LYPD6B: variants seen among roughly 807,000 people sequenced by gnomAD.
LYPD6B encodes LY6/PLAUR domain containing 6B.
Under a neutral mutation model 22.8 loss-of-function variants are expected in LYPD6B, and 17 were observed. That is an observed-to-expected ratio of 0.75 (90% CI 0.51 to 1.12). The LOEUF (loss-of-function observed/expected upper bound fraction) is 1.12, where lower values mean the gene tolerates loss of function less well. Among genes scored for constraint, LYPD6B ranks in the 50% most tolerant of loss-of-function variants. The pLI, the probability that LYPD6B is intolerant of heterozygous loss-of-function variation, is 0.00. For synonymous variants in LYPD6B, 106 were observed against 91.6 expected (o/e 1.16, Z -0.90); for missense variants, 221 against 258.3 (o/e 0.86, Z 0.99).
chr2:149,141,336 G>T (rs1426361452), intron 2 of LYPD6B, among the ~76,000 whole-genome samples: 2 of 152,160 alleles, frequency 1.3e-5, no homozygotes, highest in Non-Finnish European at 2.9e-5. Context: ...GTACAGGGGG[G>T]AGAGAAATCA....
intron 3 of LYPD6B, among the ~76,000 whole-genome samples, chr2:149,186,282 C>T (rs1274135642): frequency 6.6e-6 from 1 of 152,192 alleles, no homozygotes; most frequent in Non-Finnish European, 1.5e-5. Context: ...ACAAAACAGC[C>T]TTATTGCTAA....
chr2:149,135,371 A>G (rs114189960), intron 2 of LYPD6B, among the ~76,000 whole-genome samples: 1,741 of 152,104 alleles, frequency 0.011, 30 homozygotes, highest in African/African-American at 0.04. Flanking sequence ...TTAAAAGGAT[A>G]TTGTTTAATG....
chr2:149,060,083 G>A (rs901743127), intron 1 of LYPD6B, among the ~76,000 whole-genome samples: 1 of 152,166 alleles, frequency 6.6e-6, no homozygotes, highest in Non-Finnish European at 1.5e-5. Context: ...GAGCTATGCA[G>A]GGCCTTGACT....
chr2:149,162,469 G>A (rs1376112914), intron 3 of LYPD6B, among the ~76,000 whole-genome samples: 1 of 152,156 alleles, frequency 6.6e-6, no homozygotes, highest in Non-Finnish European at 1.5e-5. Flanking sequence ...CCCATGTGGA[G>A]TATTTACGGC....
intron 1 of LYPD6B, among the ~76,000 whole-genome samples, chr2:149,071,991 G>C (rs1684625507): frequency 6.6e-6 from 1 of 152,076 alleles, no homozygotes; most frequent in South Asian, 2.1e-4. Flanking sequence ...GACTACAGTG[G>C]CGCAATCTCA....
chr2:149,195,279 G>C (rs1373392916), intron 3 of LYPD6B, among the ~76,000 whole-genome samples: 2 of 152,172 alleles, frequency 1.3e-5, no homozygotes, highest in East Asian at 3.9e-4. Flanking sequence ...GCTTTCTTCA[G>C]GCTAGAGACC....
intron 6 of LYPD6B, 113 bp from the exon 7 acceptor site, chr2:149,214,433 C>G: frequency 8.9e-7 from 1 of 1,128,936 alleles, no homozygotes; most frequent in Non-Finnish European, 1.3e-6. Flanking sequence ...ATAACCAACT[C>G]CAATTGTCTG....
At chr2:149,058,795 T>G (rs1245181839) in intron 1 of LYPD6B, among the ~76,000 whole-genome samples, 1 of 152,128 alleles carries the variant, frequency 6.6e-6, no homozygotes, top group African/African-American at 2.4e-5. Context: ...AATTTTTGTA[T>G]TTTTAGTAGA....
intron 1 of LYPD6B, among the ~76,000 whole-genome samples, chr2:149,100,205 T>C (rs1156788545): frequency 1.3e-5 from 2 of 152,000 alleles, no homozygotes; most frequent in Admixed American, 1.3e-4. Flanking sequence ...TGTCTTTTGG[T>C]CCCAGGTGTA....
chr2:149,196,492 G>A (rs1174584761), intron 3 of LYPD6B, among the ~76,000 whole-genome samples: 1 of 152,166 alleles, frequency 6.6e-6, no homozygotes, highest in African/African-American at 2.4e-5. Flanking sequence ...ATAAACAATG[G>A]TCAGCGACAT....
intron 3 of LYPD6B, among the ~76,000 whole-genome samples, chr2:149,195,146 A>G (rs1212613297): frequency 6.6e-6 from 1 of 152,236 alleles, no homozygotes; most frequent in African/African-American, 2.4e-5. Flanking sequence ...CAATATCTGC[A>G]AGCGTATGAG....
At chr2:149,130,081 G>A (rs1335653079) in intron 1 of LYPD6B, among the ~76,000 whole-genome samples, 4 of 152,118 alleles carry the variant, frequency 2.6e-5, no homozygotes, top group Admixed American at 2.0e-4. Flanking sequence ...TGACCAGAAC[G>A]CTGAACGGCA....
At chr2:149,188,104 G>T (rs138815176) in intron 3 of LYPD6B, among the ~76,000 whole-genome samples, 1 of 152,190 alleles carries the variant, frequency 6.6e-6, no homozygotes, top group Non-Finnish European at 1.5e-5. Context: ...TCTTTTCCTG[G>T]GTACAGCATT....
intron 1 of LYPD6B, among the ~76,000 whole-genome samples, chr2:149,114,273 T>G (rs184192050): frequency 2.6e-5 from 4 of 152,336 alleles, no homozygotes; most frequent in Admixed American, 2.0e-4. Context: ...AAGTAATGCT[T>G]TTATCTCAAT....
chr2:149,161,913 TA>T (rs1171418169), intron 3 of LYPD6B, among the ~76,000 whole-genome samples: 4 of 152,286 alleles, frequency 2.6e-5, no homozygotes, highest in Admixed American at 2.6e-4. Flanking sequence ...TTTATGACCC[TA>T]ATAAGGCCCA....
chr2:149,130,800 AC>A, intron 1 of LYPD6B, 82 bp from the exon 2 acceptor site: 2 of 670,514 alleles, frequency 3.0e-6, no homozygotes, highest in Non-Finnish European at 5.3e-6. Flanking sequence ...CCAGCCTAAA[AC>A]CCCCTACTTA....
At chr2:149,102,293 G>A (rs1384270666) in intron 1 of LYPD6B, among the ~76,000 whole-genome samples, 1 of 152,178 alleles carries the variant, frequency 6.6e-6, no homozygotes, top group Non-Finnish European at 1.5e-5. Context: ...GCTGAATTTA[G>A]GAAACAGTGA....
At chr2:149,061,859 GTTAT>G (rs2105323754) in intron 1 of LYPD6B, among the ~76,000 whole-genome samples, 1 of 152,144 alleles carries the variant, frequency 6.6e-6, no homozygotes, top group African/African-American at 2.4e-5. Context: ...TATAATGATA[GTTAT>G]TTATTAGGTT....
chr2:149,161,075 T>C (rs1336067388), intron 3 of LYPD6B, among the ~76,000 whole-genome samples: 1 of 152,188 alleles, frequency 6.6e-6, no homozygotes, highest in Non-Finnish European at 1.5e-5. Context: ...GCTCAGCGAA[T>C]GGTTGGTAGA....
Sources: gnomAD v4.1 joint callset for allele counts (sites outside exome capture counted in the v4.1 genomes callset) on GRCh38, gnomAD v4.1.1 for gene constraint, MANE v1.5 for transcripts, NCBI Gene and HGNC (gene_info 2026-07-23, HGNC 2026-07-21) for gene names.